BABAM2: variants seen among roughly 807,000 people sequenced by gnomAD.
BABAM2 encodes the protein BRISC and BRCA1-A complex member 2.
BABAM2 carries 31 observed loss-of-function variants against 54.7 expected under a neutral mutation model. The observed-to-expected ratio is 0.57, with a 90% confidence interval of 0.43 to 0.77. The LOEUF (loss-of-function observed/expected upper bound fraction) is 0.77, where lower values mean the gene tolerates loss of function less well. Among genes scored for constraint, BABAM2 ranks in the 30% least tolerant of loss-of-function variants. BABAM2 has a pLI of 0.00. For missense variants in BABAM2, 364 were observed against 455.8 expected, an observed-to-expected ratio of 0.80 and a Z score of 1.83; for synonymous variants, 167 against 162.9, an observed-to-expected ratio of 1.03 and a Z score of -0.19.
chr2:28,118,102 C>T (rs899848614), intron 6 of BABAM2, among the ~76,000 whole-genome samples: 13 of 152,214 alleles, frequency 8.5e-5, no homozygotes, highest in African/African-American at 3.1e-4. Flanking sequence ...AACATCACAA[C>T]TCAGAGAAAC....
At chr2:28,032,314 A>G (rs1057007515) in intron 5 of BABAM2, among the ~76,000 whole-genome samples, 3 of 152,128 alleles carry the variant, frequency 2.0e-5, no homozygotes, top group East Asian at 3.9e-4. Context: ...TCCTTTTACT[A>G]TCAGCTGGCA....
At chr2:28,167,696 A>AT (rs1392913348) in intron 7 of BABAM2, among the ~76,000 whole-genome samples, 17 of 100,580 alleles carry the variant, frequency 1.7e-4, no homozygotes, top group Admixed American at 7.1e-4. Context: ...TCCATCTCAA[A>AT]AAAATAAATA....
At chr2:28,009,802 ACC>A (rs1186429816) in intron 4 of BABAM2, among the ~76,000 whole-genome samples, 2 of 151,990 alleles carry the variant, frequency 1.3e-5, no homozygotes, top group African/African-American at 4.8e-5. Context: ...CCTTCTGGGG[ACC>A]CATTTTAAGC....
At chr2:27,896,785 G>A in intron 2 of BABAM2, 2 of 235,904 alleles carry the variant, frequency 8.5e-6, no homozygotes, top group South Asian at 4.7e-5. Context: ...CTTGTGCCCA[G>A]CTGGGTCTGG....
At chr2:28,250,576 A>G (rs1262334668) in intron 10 of BABAM2, among the ~76,000 whole-genome samples, 1 of 36,742 alleles carries the variant, frequency 2.7e-5, no homozygotes, top group Non-Finnish European at 5.7e-5. Context: ...AATCATATAT[A>G]TTTTTTTCTT....
intron 4 of BABAM2, among the ~76,000 whole-genome samples, chr2:28,009,957 A>G (rs1186068090): frequency 2.0e-5 from 3 of 152,148 alleles, no homozygotes; most frequent in Non-Finnish European, 4.4e-5. Context: ...AGTGGAGGAA[A>G]GGTAAAAATA....
intron 11 of BABAM2, among the ~76,000 whole-genome samples, chr2:28,326,651 A>C (rs1317340787): frequency 6.6e-6 from 1 of 152,110 alleles, no homozygotes; most frequent in Non-Finnish European, 1.5e-5. Context: ...CGCTCCGCCT[A>C]CTAGCTCTGG....
intron 11 of BABAM2, 107 bp from the exon 12 acceptor site, chr2:28,338,343 A>C: frequency 9.5e-7 from 1 of 1,057,136 alleles, no homozygotes; most frequent in Non-Finnish European, 1.5e-6. Context: ...AGATGCATGA[A>C]CAATAAATAA....
At chr2:28,164,665 G>T (rs1402435207) in intron 7 of BABAM2, among the ~76,000 whole-genome samples, 4 of 152,004 alleles carry the variant, frequency 2.6e-5, no homozygotes, top group Non-Finnish European at 4.4e-5. Context: ...CTGCTTTCTG[G>T]AACAGATACT....
chr2:28,015,725 G>C (rs1228647031), intron 4 of BABAM2: 1 of 1,030,200 alleles, frequency 9.7e-7, no homozygotes, highest in Non-Finnish European at 1.3e-6. Flanking sequence ...TCTTTATAAG[G>C]GAATCCTGAT....
chr2:27,931,260 A>C (rs1480418052), intron 3 of BABAM2, among the ~76,000 whole-genome samples: 1 of 152,188 alleles, frequency 6.6e-6, no homozygotes, highest in Non-Finnish European at 1.5e-5. Context: ...GAAATGATCA[A>C]AGTAAATAAT....
chr2:28,045,823 T>G (rs768659574), intron 6 of BABAM2, 24 bp downstream of exon 6: 2 of 1,570,078 alleles, frequency 1.3e-6, no homozygotes, highest in South Asian at 2.3e-5. Context: ...ATTTTCAGTA[T>G]GAGAATATAA....
chr2:27,946,246 T>A (rs1196305988), intron 3 of BABAM2, among the ~76,000 whole-genome samples: 8 of 152,006 alleles, frequency 5.3e-5, no homozygotes, highest in Admixed American at 3.3e-4. Flanking sequence ...TATATGTTAA[T>A]TTTTTTTCTC....
intron 5 of BABAM2, among the ~76,000 whole-genome samples, chr2:28,036,263 A>G (rs1676651929): frequency 6.6e-6 from 1 of 152,096 alleles, no homozygotes; most frequent in Non-Finnish European, 1.5e-5. Context: ...AGAATCCTAC[A>G]TTTCAAGTAT....
chr2:27,929,548 A>C (rs1667946922), intron 2 of BABAM2, among the ~76,000 whole-genome samples: 1 of 152,228 alleles, frequency 6.6e-6, no homozygotes, highest in South Asian at 2.1e-4. Flanking sequence ...TAATTTTAAA[A>C]GTCGAGATAT....
At chr2:28,150,090 T>C (rs1366348964) in intron 7 of BABAM2, among the ~76,000 whole-genome samples, 1 of 152,226 alleles carries the variant, frequency 6.6e-6, no homozygotes, top group Non-Finnish European at 1.5e-5. Context: ...GAGGAGCTCA[T>C]GCAAACCAGA....
intron 3 of BABAM2, among the ~76,000 whole-genome samples, chr2:27,970,813 C>T (rs2148450544): frequency 1.3e-5 from 2 of 152,096 alleles, no homozygotes; most frequent in East Asian, 3.9e-4. Flanking sequence ...TAGAACAATT[C>T]TCTTACCCTT....
At chr2:28,311,037 G>A (rs531755953) in intron 11 of BABAM2, among the ~76,000 whole-genome samples, 105 of 152,142 alleles carry the variant, frequency 6.9e-4, no homozygotes, top group Admixed American at 1.2e-3. Context: ...CGAGGCAGGC[G>A]GATCACAAGG....
chr2:28,202,720 C>T (rs1242738588), intron 7 of BABAM2, among the ~76,000 whole-genome samples: 3 of 151,992 alleles, frequency 2.0e-5, no homozygotes, highest in African/African-American at 4.8e-5. Context: ...AGAAATGGAA[C>T]CTATGAATAC....
Sources: gnomAD v4.1 joint callset for allele counts (sites outside exome capture counted in the v4.1 genomes callset) on GRCh38, gnomAD v4.1.1 for gene constraint, MANE v1.5 for transcripts, NCBI Gene and HGNC (gene_info 2026-07-23, HGNC 2026-07-21) for gene names.